LOXL2: variants seen among roughly 807,000 people sequenced by gnomAD.
LOXL2 encodes the protein lysyl oxidase like 2.
A neutral mutation model predicts 93.0 loss-of-function variants in LOXL2; 70 were observed. The observed-to-expected ratio is 0.75, with a 90% CI of 0.62 to 0.92. LOXL2 has a LOEUF of 0.92. Ranked by LOEUF, LOXL2 falls within the 40% of genes least tolerant of loss-of-function variation. The pLI is 0.00. For synonymous variants in LOXL2, 438 were observed against 413.2 expected (o/e 1.06, Z -0.73); for missense variants, 973 against 1,054.9 (o/e 0.92, Z 1.08).
intron 1 of LOXL2, chr8:23,385,750 C>T (rs528587876): frequency 1.7e-6 from 1 of 578,958 alleles, no homozygotes; most frequent in African/African-American, 1.9e-5. Context: ...TCCCTCGTAG[C>T]CACTTTCCAA....
intron 1 of LOXL2, among the ~76,000 whole-genome samples, chr8:23,389,262 G>T (rs971295841): frequency 6.6e-6 from 1 of 152,166 alleles, no homozygotes; most frequent in Non-Finnish European, 1.5e-5. Flanking sequence ...TGCCTAGGAA[G>T]GAATGTGAAA....
chr8:23,380,533 AT>A (rs1272376548), intron 1 of LOXL2, among the ~76,000 whole-genome samples: 8 of 152,090 alleles, frequency 5.3e-5, no homozygotes, highest in African/African-American at 1.9e-4. Flanking sequence ...GCGCTCCTGA[AT>A]TTTTTGCCTC....
chr8:23,378,686 C>G (rs561988446), intron 1 of LOXL2, among the ~76,000 whole-genome samples: 1 of 152,306 alleles, frequency 6.6e-6, no homozygotes, highest in Admixed American at 6.5e-5. Context: ...TCATTTCATT[C>G]ATTTGATCTT....
At chr8:23,337,960 A>T (rs1803821181) in intron 4 of LOXL2, among the ~76,000 whole-genome samples, 1 of 152,222 alleles carries the variant, frequency 6.6e-6, no homozygotes, top group African/African-American at 2.4e-5. Flanking sequence ...CTGCTAATAA[A>T]GACATACCCG....
intron 9 of LOXL2, among the ~76,000 whole-genome samples, chr8:23,316,316 C>T (rs1157120024): frequency 6.6e-6 from 1 of 152,192 alleles, no homozygotes; most frequent in Non-Finnish European, 1.5e-5. Flanking sequence ...CTGGCCAGCA[C>T]CTGGGCCTCC....
intron 1 of LOXL2, among the ~76,000 whole-genome samples, chr8:23,401,393 T>A (rs1800149994): frequency 6.6e-6 from 1 of 151,382 alleles, no homozygotes; most frequent in Admixed American, 6.6e-5. Flanking sequence ...TACCAAATAT[T>A]TTTTTTTTAG....
At chr8:23,342,893 G>C (rs759871700) in intron 3 of LOXL2, among the ~76,000 whole-genome samples, 1 of 152,062 alleles carries the variant, frequency 6.6e-6, no homozygotes, top group Admixed American at 6.6e-5. Context: ...TGGAAGTAGA[G>C]GTGTACATCA....
At chr8:23,309,538 T>TA in intron 10 of LOXL2, 130 bp downstream of exon 10, 8 of 1,116,588 alleles carry the variant, frequency 7.2e-6, no homozygotes, top group Non-Finnish European at 8.1e-6. Flanking sequence ...GCCCCCCACT[T>TA]AGGAGGATCC....
At chr8:23,306,190 T>A (rs1006793208) in intron 10 of LOXL2, among the ~76,000 whole-genome samples, 1 of 152,150 alleles carries the variant, frequency 6.6e-6, no homozygotes, top group African/African-American at 2.4e-5. Flanking sequence ...TAAAGCTGGT[T>A]CAGAGAAAGA....
At chr8:23,354,460 ACT>A (rs1185470695) in intron 3 of LOXL2, among the ~76,000 whole-genome samples, 1 of 152,090 alleles carries the variant, frequency 6.6e-6, no homozygotes, top group Non-Finnish European at 1.5e-5. Flanking sequence ...GAGGGCTTTA[ACT>A]CTCACACTTT....
chr8:23,305,809 TTTTG>T (rs1170087157), intron 10 of LOXL2, among the ~76,000 whole-genome samples: 2 of 138,850 alleles, frequency 1.4e-5, no homozygotes, highest in South Asian at 2.2e-4. Flanking sequence ...CTCAATGCTT[TTTTG>T]TTTTTGTTTT....
chr8:23,304,991 G>A (rs1311777651), intron 10 of LOXL2, among the ~76,000 whole-genome samples: 3 of 152,118 alleles, frequency 2.0e-5, no homozygotes, highest in African/African-American at 4.8e-5. Flanking sequence ...GGCTTCCCTC[G>A]GTCACTCATG....
chr8:23,358,976 G>A (rs1177085256), intron 3 of LOXL2, among the ~76,000 whole-genome samples: 3 of 151,852 alleles, frequency 2.0e-5, no homozygotes, highest in Non-Finnish European at 4.4e-5. Context: ...TGAGTAGCTG[G>A]GACTACAGGC....
chr8:23,346,943 C>G (rs118179476), intron 3 of LOXL2, among the ~76,000 whole-genome samples: 1 of 152,310 alleles, frequency 6.6e-6, no homozygotes, highest in Non-Finnish European at 1.5e-5. Flanking sequence ...CTCTGCTCAC[C>G]TCGCATGCAG....
At chr8:23,302,231 C>A in intron 11 of LOXL2, 68 bp from the exon 12 acceptor site, 2 of 1,590,074 alleles carry the variant, frequency 1.3e-6, no homozygotes, top group Non-Finnish European at 1.7e-6. Context: ...CCTCTTCCTG[C>A]TTCCAAGGCC....
chr8:23,322,059 A>C (rs1283371533), intron 7 of LOXL2, 71 bp downstream of exon 7: 2 of 1,533,328 alleles, frequency 1.3e-6, no homozygotes, highest in Admixed American at 1.8e-5. Flanking sequence ...TCCAGGGTTC[A>C]CCCCAGAGCT....
chr8:23,365,684 G>C (rs1011482960), intron 2 of LOXL2: 1 of 152,158 alleles, frequency 6.6e-6, no homozygotes, highest in South Asian at 2.1e-4. Context: ...TCCAGCCGCT[G>C]TCCCATGGTC....
intron 1 of LOXL2, among the ~76,000 whole-genome samples, chr8:23,370,380 GT>G (rs1334738145): frequency 6.6e-6 from 1 of 152,000 alleles, no homozygotes; most frequent in African/African-American, 2.4e-5. Context: ...GCTTTACATT[GT>G]TGTCATGTCT....
At chr8:23,311,162 C>T (rs886639266) in intron 9 of LOXL2, among the ~76,000 whole-genome samples, 2 of 152,162 alleles carry the variant, frequency 1.3e-5, no homozygotes, top group Admixed American at 6.5e-5. Context: ...TTCTCCCCCT[C>T]CCCCTCCAGG....
Sources: allele counts gnomAD v4.1 joint callset (sites outside exome capture counted in the v4.1 genomes callset), GRCh38; gene constraint gnomAD v4.1.1; transcripts MANE v1.5; gene names NCBI Gene and HGNC (gene_info 2026-07-23, HGNC 2026-07-21).